Variants in SNX24 observed in about 807,000 individuals in gnomAD.
SNX24 encodes the protein sorting nexin-24.
SNX24 carries 22 observed loss-of-function variants against 28.7 expected under a neutral mutation model. That is an observed-to-expected ratio of 0.77 (90% CI 0.55 to 1.10). SNX24 has a LOEUF of 1.10. Among genes scored for constraint, SNX24 ranks in the 50% least tolerant of loss-of-function variants. The probability of loss-of-function intolerance (pLI) is 0.00; values close to 1 mark genes in which losing one functional copy is unlikely to be tolerated. For synonymous variants in SNX24, 69 were observed against 71.5 expected (o/e 0.96, Z 0.18); for missense variants, 221 against 201.1 (o/e 1.10, Z -0.60).
At chr5:122,939,554 T>C (rs750364321) in intron 2 of SNX24, among the ~76,000 whole-genome samples, 1 of 152,252 alleles carries the variant, frequency 6.6e-6, no homozygotes, top group Non-Finnish European at 1.5e-5. Flanking sequence ...TAAATTTTTA[T>C]GTTTACTGAT....
chr5:122,954,477 AT>A (rs572713602), intron 3 of SNX24, among the ~76,000 whole-genome samples: 26 of 146,152 alleles, frequency 1.8e-4, no homozygotes, highest in South Asian at 2.2e-4. Flanking sequence ...TTTTTCTATG[AT>A]TTTTTTTTTG....
Position 122,946,068 on chromosome 5 carries a change from T to G in SNX24, c.158T>G (p.Ile53Arg), listed in dbSNP as rs2150125357. 6.3e-7 allele frequency: 1 copy of G among 1,591,502 alleles called. No individual in the cohort carries two copies. The highest frequency in any genetic ancestry group is 2.2e-5 in the East Asian group (1 of 44,546). ...CTGTCTTTATAGCTTAAGAAATGTATAAAAACTCCAGAAATCCCTTCTAAA... is the reference window on the plus strand; with the variant it reads ...CTGTCTTTATAGCTTAAGAAATGTAGAAAAACTCCAGAAATCCCTTCTAAA... Reference protein sequence around the residue: ...HALHKKLKKCIKTPEIPSKHV... With the variant: ...HALHKKLKKCRKTPEIPSKHV... The change falls in exon 3 of 7, where the codon ATA becomes AGA. Residue 53 changes from isoleucine (I) to arginine (R), a missense_variant. Physicochemically the swap from Ile to Arg is moderately conservative, Grantham distance 97. Coordinates refer to ENST00000261369, the MANE Select transcript of SNX24 (RefSeq NM_014035.4).
At chr5:122,879,648 A>C (rs929784366) in intron 1 of SNX24, among the ~76,000 whole-genome samples, 6 of 151,894 alleles carry the variant, frequency 4.0e-5, no homozygotes, top group Non-Finnish European at 8.8e-5. Flanking sequence ...TGAAATGAGG[A>C]TGTAATAACA....
chr5:122,920,775 A>G (rs1372221317), intron 1 of SNX24, among the ~76,000 whole-genome samples: 1 of 152,224 alleles, frequency 6.6e-6, no homozygotes, highest in Non-Finnish European at 1.5e-5. Context: ...TCATTATAGA[A>G]TGTTTTCACT....
chr5:122,884,787 G>A (rs1756636748), intron 1 of SNX24, among the ~76,000 whole-genome samples: 1 of 152,108 alleles, frequency 6.6e-6, no homozygotes, highest in Non-Finnish European at 1.5e-5. Context: ...AGAGTGGAGA[G>A]CGTCTCAGCT....
intron 3 of SNX24, among the ~76,000 whole-genome samples, chr5:122,978,548 CT>C (rs1364052429): frequency 2.0e-5 from 3 of 152,118 alleles, no homozygotes; most frequent in African/African-American, 7.2e-5. Context: ...AAGTTCCCAG[CT>C]TTTTTAGTGT....
intron 1 of SNX24, among the ~76,000 whole-genome samples, chr5:122,876,070 C>T (rs1756208106): frequency 6.6e-6 from 1 of 152,200 alleles, no homozygotes; most frequent in Non-Finnish European, 1.5e-5. Flanking sequence ...GTCTCAAACT[C>T]CTGACCTCAA....
At chr5:122,946,210 T>C (rs757283965) in intron 3 of SNX24, 51 bp downstream of exon 3, 2 of 1,068,968 alleles carry the variant, frequency 1.9e-6, no homozygotes, top group Non-Finnish European at 2.8e-6. Context: ...ATCATATGTC[T>C]TACCACTTTT....
At chr5:122,883,042 G>A (rs1207917050) in intron 1 of SNX24, among the ~76,000 whole-genome samples, 1 of 152,140 alleles carries the variant, frequency 6.6e-6, no homozygotes, top group African/African-American at 2.4e-5. Flanking sequence ...AACAGAGCAA[G>A]GTACTGCAGT....
chr5:122,902,300 C>G (rs1757477743), intron 1 of SNX24, among the ~76,000 whole-genome samples: 1 of 152,188 alleles, frequency 6.6e-6, no homozygotes, highest in Non-Finnish European at 1.5e-5. Context: ...TGCTGAACCC[C>G]TTTCAACTCC....
intron 1 of SNX24, among the ~76,000 whole-genome samples, chr5:122,883,004 A>G (rs1403787277): frequency 1.3e-5 from 2 of 152,076 alleles, no homozygotes; most frequent in Non-Finnish European, 2.9e-5. Context: ...AGATCAAGGG[A>G]AAGAGCCACA....
chr5:122,964,306 C>G (rs957671368), intron 3 of SNX24, among the ~76,000 whole-genome samples: 3 of 150,054 alleles, frequency 2.0e-5, no homozygotes, highest in Non-Finnish European at 4.4e-5. Context: ...CAGTTTTTGC[C>G]TCACAGGGAA....
At chr5:122,942,226 T>C (rs1759480483) in intron 2 of SNX24, among the ~76,000 whole-genome samples, 1 of 152,204 alleles carries the variant, frequency 6.6e-6, no homozygotes. Context: ...ATGGTGCTGG[T>C]TCATTTTTAA....
intron 1 of SNX24, among the ~76,000 whole-genome samples, chr5:122,879,782 A>G (rs546560783): frequency 3.3e-5 from 5 of 152,300 alleles, no homozygotes; most frequent in Admixed American, 3.3e-4. Context: ...TGGCCTCCCA[A>G]AGTGCTGAGA....
intron 1 of SNX24, among the ~76,000 whole-genome samples, chr5:122,884,551 T>G (rs1183279966): frequency 2.0e-5 from 3 of 152,078 alleles, no homozygotes; most frequent in Non-Finnish European, 4.4e-5. Flanking sequence ...ACACCCAGCC[T>G]GTTTCTTTAT....
intron 1 of SNX24, among the ~76,000 whole-genome samples, chr5:122,869,035 A>T (rs565953946): frequency 6.6e-6 from 1 of 152,256 alleles, no homozygotes; most frequent in South Asian, 2.1e-4. Context: ...GCAGTTGGAA[A>T]TAATAAATGC....
At chr5:122,916,834 C>T (rs1217962423) in intron 1 of SNX24, among the ~76,000 whole-genome samples, 2 of 152,156 alleles carry the variant, frequency 1.3e-5, no homozygotes, top group Admixed American at 6.6e-5. Flanking sequence ...GATGTGGGCT[C>T]TTTATGCTTG....
chr5:122,924,628 A>G (rs924345183), intron 1 of SNX24, among the ~76,000 whole-genome samples: 3 of 152,188 alleles, frequency 2.0e-5, no homozygotes, highest in Admixed American at 6.5e-5. Flanking sequence ...GGGGACTACT[A>G]TATTCAGGAG....
chr5:123,009,568 A>G (rs1052075572), downstream of SNX24, among the ~76,000 whole-genome samples: 9 of 152,238 alleles, frequency 5.9e-5, no homozygotes, highest in African/African-American at 2.2e-4. Context: ...TGCAGACATC[A>G]TAAGATTTGC....
Sources: allele counts gnomAD v4.1 joint callset (sites outside exome capture counted in the v4.1 genomes callset), GRCh38; gene constraint gnomAD v4.1.1; transcripts MANE v1.5; gene names NCBI Gene and HGNC (gene_info 2026-07-23, HGNC 2026-07-21).